BMPR1B: variants seen among roughly 807,000 people sequenced by gnomAD.
BMPR1B encodes the protein bone morphogenetic protein receptor type-1B.
Under a neutral mutation model 59.1 loss-of-function variants are expected in BMPR1B, and 12 were observed. That is an observed-to-expected ratio of 0.20 (90% CI 0.13 to 0.33). BMPR1B has a LOEUF of 0.33. Among genes scored for constraint, BMPR1B ranks in the 10% least tolerant of loss-of-function variants. The pLI, the probability that BMPR1B is intolerant of heterozygous loss-of-function variation, is 1.00. For synonymous variants in BMPR1B, 237 were observed against 207.3 expected, an observed-to-expected ratio of 1.14 and a Z score of -1.23; for missense variants, 550 against 610.9, an observed-to-expected ratio of 0.90 and a Z score of 1.05.
chr4:94,987,179 A>G (rs1043482576), intron 2 of BMPR1B, among the ~76,000 whole-genome samples: 1 of 129,720 alleles, frequency 7.7e-6, no homozygotes. Flanking sequence ...TGTGTAATAT[A>G]CTATATATAA....
intron 2 of BMPR1B, among the ~76,000 whole-genome samples, chr4:94,922,014 C>T (rs1363259370): frequency 6.6e-6 from 1 of 152,096 alleles, no homozygotes; most frequent in African/African-American, 2.4e-5. Flanking sequence ...GAGCCTTGCT[C>T]TGTCACCCAG....
At chr4:94,912,457 G>A (rs971255792) in intron 2 of BMPR1B, among the ~76,000 whole-genome samples, 5 of 152,000 alleles carry the variant, frequency 3.3e-5, no homozygotes, top group Admixed American at 6.6e-5. Context: ...AGTTGCCTTG[G>A]GTGTTCCCAG....
rs191273464 is a variant in BMPR1B, at chr4:95,145,361, T to G, written c.1077-3387T>G. On this transcript the variant is annotated intron_variant, in intron 10 of 12. Coordinates refer to ENST00000515059, the MANE Select transcript of BMPR1B (RefSeq NM_001203.3). ...CAGTATCTATCTTTTCTTGTCAACC[T>G]TGTTTCTCCCCTCCATAGCCCTCTG... Among the ~76,000 whole-genome samples, 688 of 152,280 alleles carry G rather than the reference T, an allele frequency of 4.5e-3. 2 individuals are homozygous for G. The highest frequency in any genetic ancestry group is 9.3e-3 in the Admixed American group (143 of 15,296).
chr4:95,003,590 C>A (rs1722605114), intron 3 of BMPR1B, among the ~76,000 whole-genome samples: 1 of 151,982 alleles, frequency 6.6e-6, no homozygotes, highest in African/African-American at 2.4e-5. Context: ...GCATGAATAA[C>A]CACCTCCATT....
intron 1 of BMPR1B, among the ~76,000 whole-genome samples, chr4:94,827,635 C>A (rs548987494): frequency 7.9e-5 from 12 of 152,246 alleles, no homozygotes; most frequent in African/African-American, 2.9e-4. Flanking sequence ...CCTTCTTTTT[C>A]TTCTCCTAAT....
intron 11 of BMPR1B, among the ~76,000 whole-genome samples, chr4:95,150,565 A>C (rs1232040804): frequency 6.6e-6 from 1 of 152,182 alleles, no homozygotes; most frequent in Non-Finnish European, 1.5e-5. Flanking sequence ...TATTTTTCTA[A>C]TTATGTTTTC....
chr4:94,784,733 T>C (rs907305213), intron 1 of BMPR1B, among the ~76,000 whole-genome samples: 4 of 152,174 alleles, frequency 2.6e-5, no homozygotes, highest in African/African-American at 9.6e-5. Context: ...TTTGGCTCCC[T>C]TCTCAAACCT....
At chr4:94,816,439 C>T (rs1367757078) in intron 1 of BMPR1B, among the ~76,000 whole-genome samples, 1 of 152,140 alleles carries the variant, frequency 6.6e-6, no homozygotes, top group Non-Finnish European at 1.5e-5. Context: ...GCTAGGATTA[C>T]AGGCATGAGC....
chr4:95,130,788 T>A (rs1733293232), intron 9 of BMPR1B, among the ~76,000 whole-genome samples: 1 of 142,376 alleles, frequency 7.0e-6, no homozygotes, highest in Non-Finnish European at 1.5e-5. Flanking sequence ...TGGAGTGCAA[T>A]GGTGTGATCT....
chr4:95,113,923 T>C (rs1239475395), intron 4 of BMPR1B, among the ~76,000 whole-genome samples: 2 of 152,144 alleles, frequency 1.3e-5, no homozygotes, highest in African/African-American at 2.4e-5. Context: ...GATTAAATGA[T>C]GTAGAATAAG....
At chr4:95,013,708 C>A (rs909209448) in intron 3 of BMPR1B, among the ~76,000 whole-genome samples, 4 of 152,042 alleles carry the variant, frequency 2.6e-5, no homozygotes, top group African/African-American at 9.7e-5. Flanking sequence ...TGTTTGAAGT[C>A]ATCAACCCAC....
At chr4:95,051,472 G>A (rs372507430) in intron 3 of BMPR1B, among the ~76,000 whole-genome samples, 5 of 152,166 alleles carry the variant, frequency 3.3e-5, no homozygotes, top group African/African-American at 9.6e-5. Flanking sequence ...CCGGCTCAGG[G>A]TCCTCACCGC....
chr4:94,797,999 C>T (rs757689478), intron 1 of BMPR1B, among the ~76,000 whole-genome samples: 16 of 152,084 alleles, frequency 1.1e-4, no homozygotes, highest in Non-Finnish European at 1.6e-4. Flanking sequence ...GTTTCTTCAT[C>T]GTAATAGTAT....
intron 2 of BMPR1B, among the ~76,000 whole-genome samples, chr4:94,941,659 A>G (rs1399193555): frequency 1.3e-5 from 2 of 152,144 alleles, no homozygotes; most frequent in Non-Finnish European, 2.9e-5. Context: ...TTTTTCACGT[A>G]TCTGTAGGAT....
At chr4:95,109,274 T>C (rs1198382665) in intron 4 of BMPR1B, among the ~76,000 whole-genome samples, 1 of 152,152 alleles carries the variant, frequency 6.6e-6, no homozygotes, top group Admixed American at 6.6e-5. Context: ...ATAAATCAAA[T>C]TGAATGTTTG....
chr4:94,932,997 G>A (rs1449429405), intron 2 of BMPR1B, among the ~76,000 whole-genome samples: 1 of 152,078 alleles, frequency 6.6e-6, no homozygotes, highest in East Asian at 1.9e-4. Flanking sequence ...TGTGTGTATA[G>A]TAAGAATCGT....
chr4:94,805,234 A>G lies in BMPR1B; in HGVS notation c.-183+47166A>G, dbSNP rs1723562882. 3.3e-5 allele frequency among the ~76,000 whole-genome samples: 5 copies of G among 152,314 alleles called. No individual in the cohort carries two copies. The South Asian group carries it at 1.0e-3, about 32-fold the overall frequency. ...GTTTTAGGATCATGTAGTGAGCGCT[A>G]GAATATAATTTTATCTTTATTGGTA... On this transcript the variant is annotated intron_variant, in intron 1 of 12. Coordinates refer to ENST00000515059, the MANE Select transcript of BMPR1B (RefSeq NM_001203.3).
chr4:95,114,009 C>A (rs1159896156), intron 4 of BMPR1B, among the ~76,000 whole-genome samples: 1 of 151,882 alleles, frequency 6.6e-6, no homozygotes, highest in Non-Finnish European at 1.5e-5. Context: ...ATCAAGAACC[C>A]TTCTTTCTGT....
intron 1 of BMPR1B, among the ~76,000 whole-genome samples, chr4:94,830,923 T>C (rs887417538): frequency 1.3e-5 from 2 of 152,248 alleles, no homozygotes; most frequent in African/African-American, 4.8e-5. Flanking sequence ...TAATTCTTGA[T>C]AATAAATGAC....
Sources: allele counts gnomAD v4.1 joint callset (sites outside exome capture counted in the v4.1 genomes callset), GRCh38; gene constraint gnomAD v4.1.1; transcripts MANE v1.5; gene names NCBI Gene and HGNC (gene_info 2026-07-23, HGNC 2026-07-21).